Variants in KIAA0319L observed in about 807,000 individuals in gnomAD.
KIAA0319L encodes the protein dyslexia-associated protein KIAA0319-like protein.
A neutral mutation model predicts 120.1 loss-of-function variants in KIAA0319L; 55 were observed. The observed-to-expected ratio is 0.46, with a 90% confidence interval of 0.37 to 0.57. The LOEUF is 0.57. Ranked by LOEUF, KIAA0319L falls within the 20% of genes least tolerant of loss-of-function variation. The pLI, the probability that KIAA0319L is intolerant of heterozygous loss-of-function variation, is 0.00. For missense variants in KIAA0319L, 1,049 were observed against 1,255.3 expected (o/e 0.84, Z 2.48); for synonymous variants, 398 against 471.9 (o/e 0.84, Z 2.03).
chr1:35,492,891 G>A (rs1570806134), intron 3 of KIAA0319L, among the ~76,000 whole-genome samples: 3 of 152,284 alleles, frequency 2.0e-5, no homozygotes, highest in African/African-American at 7.2e-5. Flanking sequence ...TGGCATGGCG[G>A]CTCACATCTG....
chr1:35,492,839 T>C (rs1207280875), intron 3 of KIAA0319L, among the ~76,000 whole-genome samples: 1 of 152,114 alleles, frequency 6.6e-6, no homozygotes, highest in East Asian at 1.9e-4. Context: ...ACAGCTAACA[T>C]GTAGACTTTC....
At chr1:35,537,053 A>T (rs548884534) in intron 2 of KIAA0319L, among the ~76,000 whole-genome samples, 1 of 152,306 alleles carries the variant, frequency 6.6e-6, no homozygotes, top group South Asian at 2.1e-4. Flanking sequence ...TCTATGTAAT[A>T]CTGTCTTTGT....
intron 14 of KIAA0319L, 152 bp downstream of exon 14, chr1:35,450,206 G>T: frequency 1.0e-6 from 1 of 988,266 alleles, no homozygotes; most frequent in Non-Finnish European, 1.5e-6. Context: ...CTAGCTTACA[G>T]AATGACCCTA....
intron 9 of KIAA0319L, among the ~76,000 whole-genome samples, chr1:35,458,552 C>T (rs1388338689): frequency 1.3e-5 from 2 of 151,980 alleles, no homozygotes; most frequent in African/African-American, 4.8e-5. Context: ...CACTAAAAAA[C>T]CTGTAGGTTA....
At chr1:35,543,717 GAAC>G (rs913137145) in intron 2 of KIAA0319L, among the ~76,000 whole-genome samples, 16 of 152,072 alleles carry the variant, frequency 1.1e-4, no homozygotes, top group African/African-American at 3.4e-4. Flanking sequence ...GCAGGTATGA[GAAC>G]AACAACAACA....
intron 6 of KIAA0319L, among the ~76,000 whole-genome samples, chr1:35,467,750 G>A (rs1227782540): frequency 6.6e-6 from 1 of 150,924 alleles, no homozygotes; most frequent in Non-Finnish European, 1.5e-5. Flanking sequence ...GAGCAGTGAT[G>A]CAATCTTGAC....
intron 6 of KIAA0319L, 51 bp from the exon 7 acceptor site, chr1:35,466,746 C>A: frequency 1.5e-5 from 18 of 1,236,802 alleles, no homozygotes; most frequent in Non-Finnish European, 2.1e-5. Flanking sequence ...GCAGGAATTA[C>A]ATTTAAAATA....
At chr1:35,448,434 A>G (rs181544125) in intron 15 of KIAA0319L, 102 bp from the exon 16 acceptor site, 45 of 1,078,152 alleles carry the variant, frequency 4.2e-5, no homozygotes, top group Non-Finnish European at 6.2e-5. Flanking sequence ...GAGTGAGAAC[A>G]TTCAGATATC....
chr1:35,492,375 GTGGTGGC>G (rs989906347), intron 3 of KIAA0319L, among the ~76,000 whole-genome samples: 2 of 152,046 alleles, frequency 1.3e-5, no homozygotes, highest in Non-Finnish European at 2.9e-5. Flanking sequence ...TTAGCTGGGT[GTGGTGGC>G]ATGCGCCTGT....
chr1:35,526,587 A>C (rs1646157744), intron 2 of KIAA0319L, among the ~76,000 whole-genome samples: 1 of 151,792 alleles, frequency 6.6e-6, no homozygotes, highest in Non-Finnish European at 1.5e-5. Context: ...CTGGGACCAC[A>C]GATACATACC....
At chr1:35,448,373 G>A (rs368562747) in intron 15 of KIAA0319L, 41 bp from the exon 16 acceptor site, 95 of 1,583,688 alleles carry the variant, frequency 6.0e-5, no homozygotes, top group Non-Finnish European at 8.2e-5. Flanking sequence ...AGAAGTAGGA[G>A]AGTAAACACA....
chr1:35,496,759 C>G (rs925974860), intron 3 of KIAA0319L, among the ~76,000 whole-genome samples: 1 of 151,988 alleles, frequency 6.6e-6, no homozygotes, highest in Non-Finnish European at 1.5e-5. Flanking sequence ...GCCTGGCCAA[C>G]ATGGTGAAAA....
chr1:35,505,080 T>C (rs1244683926), intron 3 of KIAA0319L, among the ~76,000 whole-genome samples: 1 of 152,228 alleles, frequency 6.6e-6, no homozygotes, highest in East Asian at 1.9e-4. Context: ...CCTTAGTTTG[T>C]ATTAGGTGCC....
chr1:35,484,808 T>TATA (rs1644319413), intron 3 of KIAA0319L, among the ~76,000 whole-genome samples: 5 of 108,980 alleles, frequency 4.6e-5, no homozygotes, highest in South Asian at 2.5e-4. Context: ...ATATATATAT[T>TATA]TTTTTTTTTA....
intron 19 of KIAA0319L, 22 bp from the exon 20 acceptor site, chr1:35,441,160 C>G (rs1641184647): frequency 1.9e-6 from 3 of 1,606,056 alleles, no homozygotes; most frequent in South Asian, 2.2e-5. Context: ...AACCCCCACC[C>G]CTGCTCAGGA....
intron 3 of KIAA0319L, among the ~76,000 whole-genome samples, chr1:35,487,087 T>G (rs2148342199): frequency 6.6e-6 from 1 of 152,252 alleles, no homozygotes; most frequent in East Asian, 1.9e-4. Flanking sequence ...TGGTAATTTT[T>G]GGTTTAACGT....
chr1:35,500,984 C>A (rs1338025611), intron 3 of KIAA0319L, among the ~76,000 whole-genome samples: 3 of 151,820 alleles, frequency 2.0e-5, no homozygotes. Context: ...ATATGTAATG[C>A]CAAGCTTTGT....
In KIAA0319L at chr1:35,506,796, C is replaced by A; in HGVS notation, c.482G>T (p.Trp161Leu). Residue 161 changes from tryptophan (W) to leucine (L), a missense_variant, in exon 3 of 21, where the codon TGG becomes TTG. Transcript: ENST00000325722. The surrounding 1 kb of genome is among the most constrained non-coding windows in gnomAD (Gnocchi z 4.0). ...TGCAGCTCTGGGTGGGCTCTGCCTC[C>A]AAGATGCCCAGTTCCAACCTAGCCC... ...LLGLGWNWAS[W>L]RQSPPRAALR... 1 of 1,614,176 alleles carries A rather than the reference C, an allele frequency of 6.2e-7. No individual in the cohort carries two copies. Among genetic ancestry groups the A allele is most frequent in the Non-Finnish European group, 8.5e-7 (1 of 1,180,028 alleles).
intron 2 of KIAA0319L, among the ~76,000 whole-genome samples, chr1:35,531,238 G>A (rs1219349250): frequency 6.6e-6 from 1 of 152,164 alleles, no homozygotes; most frequent in Non-Finnish European, 1.5e-5. Flanking sequence ...ATACTCTGGG[G>A]AGCTTGCACT....
Sources: allele counts gnomAD v4.1 joint callset (sites outside exome capture counted in the v4.1 genomes callset), GRCh38; gene constraint gnomAD v4.1.1; non-coding constraint Gnocchi (gnomAD v3.1); transcripts MANE v1.5; gene names NCBI Gene and HGNC (gene_info 2026-07-23, HGNC 2026-07-21).